Variants in MALRD1 observed in about 807,000 individuals in gnomAD.
MALRD1 encodes MAM and LDL-receptor class A domain-containing protein 1.
In MALRD1, 247 loss-of-function variants were observed where a neutral mutation model predicts 242.1. That is an observed-to-expected ratio of 1.02 (90% CI 0.92 to 1.13). MALRD1 has a LOEUF of 1.13. MALRD1 is among the 50% of genes most tolerant of loss of function. The probability of loss-of-function intolerance (pLI) is 0.00; values close to 1 mark genes in which losing one functional copy is unlikely to be tolerated. For synonymous variants in MALRD1, 995 were observed against 866.6 expected (o/e 1.15, Z -2.60); for missense variants, 2,989 against 2,533.1 (o/e 1.18, Z -3.86).
Position 19,124,562 on chromosome 10 carries a change from T to A in MALRD1, c.835T>A (p.Trp279Arg), listed in dbSNP as rs879856455. 1.9e-5 allele frequency: 23 copies of A among 1,233,654 alleles called. No homozygotes were observed. The South Asian group carries it at 8.6e-4, about 46-fold the overall frequency. 76.4% of individuals were successfully genotyped at this position (1,233,654 alleles called of 1,614,324 possible). The change falls in exon 7 of 40, where the codon TGG becomes AGG. Residue 279 changes from tryptophan (W) to arginine (R), a missense_variant. Transcript: ENST00000454679. Reference sequence around the variant, plus strand: ...TGGGTTTGAATTTGACATGTGTGAGTGGACGTCAGAAGCATCTGCTGGCCA... The same window carrying A: ...TGGGTTTGAATTTGACATGTGTGAGAGGACGTCAGAAGCATCTGCTGGCCA... The part of the protein sequence containing the change: ...ACGFEFDMCE[W>R]TSEASAGQIS...
intron 13 of MALRD1, among the ~76,000 whole-genome samples, chr10:19,171,910 T>C (rs1834991990): frequency 1.5e-5 from 2 of 137,210 alleles, no homozygotes; most frequent in Non-Finnish European, 3.2e-5. Flanking sequence ...TCACATAATA[T>C]ATGATATATA....
At chr10:19,058,189 C>T (rs1834723083) in intron 1 of MALRD1, among the ~76,000 whole-genome samples, 1 of 152,190 alleles carries the variant, frequency 6.6e-6, no homozygotes, top group African/African-American at 2.4e-5. Flanking sequence ...CGCCAGAGGA[C>T]ACAGAGCTGT....
intron 2 of MALRD1, among the ~76,000 whole-genome samples, chr10:19,076,309 A>G (rs2131268527): frequency 6.6e-6 from 1 of 151,950 alleles, no homozygotes; most frequent in East Asian, 1.9e-4. Context: ...TCTTCCATCT[A>G]TCTATGTACT....
At chr10:19,661,676 C>T (rs992788063) in intron 36 of MALRD1, among the ~76,000 whole-genome samples, 5 of 152,052 alleles carry the variant, frequency 3.3e-5, no homozygotes, top group African/African-American at 1.2e-4. Context: ...GGAGATACAC[C>T]TAATGTTAAA....
At chr10:19,094,685 G>A (rs140937652) in intron 4 of MALRD1, among the ~76,000 whole-genome samples, 7 of 152,320 alleles carry the variant, frequency 4.6e-5, no homozygotes, top group African/African-American at 1.4e-4. Context: ...AAAAGGGAAT[G>A]CTGGGTAATG....
At chr10:19,729,951 A>G (rs1230247833) in intron 38 of MALRD1, among the ~76,000 whole-genome samples, 1 of 151,500 alleles carries the variant, frequency 6.6e-6, no homozygotes, top group Non-Finnish European at 1.5e-5. Context: ...GTTAGCCAGG[A>G]TGGTCTCGAT....
chr10:19,291,203 C>T (rs1213567898), intron 21 of MALRD1, among the ~76,000 whole-genome samples: 1 of 152,126 alleles, frequency 6.6e-6, no homozygotes, highest in Non-Finnish European at 1.5e-5. Context: ...AAGTTCCTCA[C>T]ACTTCATTCA....
intron 14 of MALRD1, among the ~76,000 whole-genome samples, chr10:19,203,230 A>T (rs1490561580): frequency 1.3e-5 from 2 of 152,158 alleles, no homozygotes; most frequent in African/African-American, 4.8e-5. Context: ...AATGCATATA[A>T]CACTTTGTGA....
chr10:19,146,633 G>A (rs906619386), intron 11 of MALRD1, among the ~76,000 whole-genome samples: 11 of 152,200 alleles, frequency 7.2e-5, no homozygotes, highest in African/African-American at 2.4e-4. Flanking sequence ...CCAGAATCAA[G>A]TACAGTAGGC....
chr10:19,207,754 G>T (rs4471331), intron 17 of MALRD1, among the ~76,000 whole-genome samples: 111,734 of 151,986 alleles, frequency 0.74, 41,309 homozygotes, highest in South Asian at 0.83. Context: ...TGCCCGCCTT[G>T]GCCTCCCAAA....
At chr10:19,719,599 G>A (rs1834645994) in intron 38 of MALRD1, among the ~76,000 whole-genome samples, 1 of 152,066 alleles carries the variant, frequency 6.6e-6, no homozygotes, top group Non-Finnish European at 1.5e-5. Flanking sequence ...GGCAAAATTT[G>A]GTGTTCCAAT....
At chr10:19,288,728 G>A (rs1841261022) in intron 21 of MALRD1, among the ~76,000 whole-genome samples, 1 of 151,916 alleles carries the variant, frequency 6.6e-6, no homozygotes, top group Admixed American at 6.6e-5. Context: ...ATGATTCCAG[G>A]GAAATGTTAT....
intron 33 of MALRD1, among the ~76,000 whole-genome samples, chr10:19,586,914 G>T (rs1564461979): frequency 6.6e-6 from 1 of 152,242 alleles, no homozygotes; most frequent in Non-Finnish European, 1.5e-5. Context: ...CCAGGTGTGG[G>T]ATATAATCTC....
chr10:19,574,920 C>A (rs1836734349), intron 33 of MALRD1, among the ~76,000 whole-genome samples: 1 of 152,188 alleles, frequency 6.6e-6, no homozygotes. Flanking sequence ...CTTCTCACTA[C>A]TGGGCGTGTC....
At position 19,331,519 on chromosome 10, in the gene MALRD1, G is replaced by C. The variant is rs1397551583; in HGVS notation, c.3838G>C (p.Asp1280His). Residue 1280 changes from aspartate (D) to histidine (H), a missense_variant, in exon 24 of 40, where the codon GAC becomes CAC. By Grantham distance (81) the Asp-to-His change is moderately conservative (BLOSUM62 -1). Coordinates refer to ENST00000454679, the MANE Select transcript of MALRD1 (RefSeq NM_001142308.3). ...TGCTAATAAGCACTGCATTGCCAAA[G>C]ACAAGCTGTGTGATTTTGTGAATGA... Reference protein sequence around the residue: ...MCANKHCIAKDKLCDFVNDCA... With the variant: ...MCANKHCIAKHKLCDFVNDCA... 2 of 1,550,344 alleles carry C rather than the reference G, an allele frequency of 1.3e-6. No individual in the cohort carries two copies. The highest frequency in any genetic ancestry group is 1.2e-5 in the South Asian group (1 of 84,050).
Position 19,652,488 on chromosome 10 carries a change from A to G in MALRD1, c.6137+36565A>G, listed in dbSNP as rs548644496. Among the ~76,000 whole-genome samples the G allele has an allele frequency of 4.3e-4, 65 of 152,328 alleles. No homozygotes were observed. The Middle Eastern group carries it at 0.01, about 24-fold the overall frequency. On this transcript the variant is annotated intron_variant, in intron 36 of 39. Coordinates refer to ENST00000454679, the MANE Select transcript of MALRD1 (RefSeq NM_001142308.3). ...GTTTGCGTATGATACTGTAAAGAGTATAAGCTTTATCCTTGGAGAAATGGG... is the reference window on the plus strand; with the variant it reads ...GTTTGCGTATGATACTGTAAAGAGTGTAAGCTTTATCCTTGGAGAAATGGG...
At chr10:19,666,315 G>T (rs920033930) in intron 36 of MALRD1, among the ~76,000 whole-genome samples, 1 of 151,962 alleles carries the variant, frequency 6.6e-6, no homozygotes, top group Non-Finnish European at 1.5e-5. Context: ...TATACTTTCA[G>T]ATCTTTTCAT....
At chr10:19,423,223 T>G (rs1480079611) in intron 28 of MALRD1, among the ~76,000 whole-genome samples, 3 of 152,142 alleles carry the variant, frequency 2.0e-5, no homozygotes, top group Non-Finnish European at 4.4e-5. Flanking sequence ...TAGGATATTG[T>G]ACACACCTAC....
At chr10:19,351,362 A>G (rs1844368850) in intron 25 of MALRD1, among the ~76,000 whole-genome samples, 1 of 152,148 alleles carries the variant, frequency 6.6e-6, no homozygotes, top group Admixed American at 6.6e-5. Flanking sequence ...CAACATTGAA[A>G]TATTAATCCC....
Sources: gnomAD v4.1 joint callset for allele counts (sites outside exome capture counted in the v4.1 genomes callset) on GRCh38, gnomAD v4.1.1 for gene constraint, MANE v1.5 for transcripts, NCBI Gene and HGNC (gene_info 2026-07-23, HGNC 2026-07-21) for gene names.